Variants in SLC25A16 observed in about 807,000 individuals in gnomAD.
SLC25A16 encodes the protein solute carrier family 25 member 16.
In SLC25A16, 39 loss-of-function variants were observed where a neutral mutation model predicts 41.5. That is an observed-to-expected ratio of 0.94 (90% CI 0.73 to 1.23). The LOEUF (loss-of-function observed/expected upper bound fraction) is 1.23, where lower values mean the gene tolerates loss of function less well. Ranked by LOEUF, SLC25A16 falls within the 50% of genes most tolerant of loss-of-function variation. The pLI is 0.00. For missense variants in SLC25A16, 421 were observed against 426.9 expected (o/e 0.99, Z 0.12); for synonymous variants, 146 against 147.8 (o/e 0.99, Z 0.09).
At position 68,506,592 on chromosome 10, in the gene SLC25A16, T is replaced by C; in HGVS notation, c.350A>G (p.Tyr117Cys). ...AGATCAAAGTTTAACTACCGTTTTATAATGCTCAAATGCCATAAACTGGAT... is the reference window on the plus strand; with the variant it reads ...AGATCAAAGTTTAACTACCGTTTTACAATGCTCAAATGCCATAAACTGGAT... Reference protein sequence around the residue: ...GAIQFMAFEHYKTLITTKLGI... With the variant: ...GAIQFMAFEHCKTLITTKLGI... The change falls in exon 3 of 9, where the codon TAT (tyrosine) becomes TGT (cysteine). Residue 117 changes from tyrosine (Y) to cysteine (C), a missense_variant. Transcript: ENST00000609923. 1 of 1,581,730 alleles carries C rather than the reference T, an allele frequency of 6.3e-7. No homozygotes were observed. The highest frequency in any genetic ancestry group is 8.6e-7 in the Non-Finnish European group (1 of 1,166,838).
chr10:68,504,017 CTTTTTTTTTTTT>C (rs148285905), intron 3 of SLC25A16, among the ~76,000 whole-genome samples: 2 of 70,872 alleles, frequency 2.8e-5, no homozygotes, highest in East Asian at 4.7e-4. Context: ...TAAACTGCTA[CTTTTTTTTTTTT>C]TTTTTTTTTT....
At chr10:68,516,688 CCTT>C (rs1219891695) in intron 2 of SLC25A16, 60 bp downstream of exon 2, 4 of 1,197,652 alleles carry the variant, frequency 3.3e-6, no homozygotes, top group Non-Finnish European at 4.8e-6. Context: ...ACTTAAATTC[CCTT>C]TTTTGCCCAC....
Position 68,480,663 on chromosome 10 carries a change from A to AT in SLC25A16, c.*2768dup, listed in dbSNP as rs1405302285. On this transcript the variant is annotated 3_prime_UTR_variant, in exon 9 of 9. Coordinates refer to ENST00000609923, the MANE Select transcript of SLC25A16 (RefSeq NM_152707.4). ...AGGTGCGTGCCACCACGCCCAGCTA[A>AT]TTTTTTGTATTTTTAGTAGAGATAG... The AT allele has an allele frequency of 2.0e-5, 3 of 151,578 alleles. No homozygotes were observed. Among genetic ancestry groups the AT allele is most frequent in the South Asian group, 4.2e-4 (2 of 4,792 alleles). 9.4% of individuals were successfully genotyped at this position (151,578 alleles called of 1,614,324 possible). A position where few individuals can be genotyped will look rare whatever the true frequency, so the allele number is the denominator to read the frequency against.
chr10:68,513,795 CAGG>C (rs1193580360), intron 2 of SLC25A16, among the ~76,000 whole-genome samples: 1 of 151,948 alleles, frequency 6.6e-6, no homozygotes, highest in African/African-American at 2.4e-5. Flanking sequence ...GAGGCTGAGG[CAGG>C]AGAATAGTTT....
At chr10:68,484,214 T>C (rs1218304252) in intron 8 of SLC25A16, among the ~76,000 whole-genome samples, 1 of 152,162 alleles carries the variant, frequency 6.6e-6, no homozygotes, top group Non-Finnish European at 1.5e-5. Context: ...AAAGGATGTA[T>C]ATCCAGTTGC....
At chr10:68,512,313 ATAAAT>A (rs2053077387) in intron 2 of SLC25A16, among the ~76,000 whole-genome samples, 1 of 152,196 alleles carries the variant, frequency 6.6e-6, no homozygotes. Flanking sequence ...ACATAAATAC[ATAAAT>A]TAGTCTAATA....
rs201182490 is a variant in SLC25A16 at position 68,488,452 on chromosome 10, A to G, written c.773+15T>C. 1.4e-6 allele frequency: 2 copies of G among 1,464,960 alleles called. No individual in the cohort carries two copies. The highest frequency in any genetic ancestry group is 2.5e-5 in the East Asian group (1 of 40,176). 90.7% of individuals were successfully genotyped at this position (1,464,960 alleles called of 1,614,324 possible). ...AACTATAATTTGATTAAATTAAGTT[A>G]GTGAAGAAACTTACGATATTGTCTG... On this transcript the variant is annotated intron_variant, in intron 7 of 8. Transcript: ENST00000609923.
At chr10:68,518,558 G>T (rs543063228) in intron 1 of SLC25A16, among the ~76,000 whole-genome samples, 1 of 150,106 alleles carries the variant, frequency 6.7e-6, no homozygotes, top group African/African-American at 2.4e-5. Flanking sequence ...GGCAGATCAC[G>T]AGGTCAGGAA....
intron 7 of SLC25A16, 93 bp downstream of exon 7, chr10:68,488,374 T>G (rs1192787255): frequency 2.0e-5 from 18 of 910,748 alleles, no homozygotes; most frequent in Non-Finnish European, 2.7e-5. Context: ...TCTTTTTGAA[T>G]AATCTATTAG....
At chr10:68,522,814 CAAAA>C (rs58143466) in intron 1 of SLC25A16, among the ~76,000 whole-genome samples, 1 of 65,468 alleles carries the variant, frequency 1.5e-5, no homozygotes, top group Non-Finnish European at 2.8e-5. Context: ...GATTCCTTCT[CAAAA>C]AAAAAAAAAA....
chr10:68,500,242 AC>A (rs1274185278), intron 4 of SLC25A16, among the ~76,000 whole-genome samples: 1 of 152,240 alleles, frequency 6.6e-6, no homozygotes, highest in Admixed American at 6.5e-5. Flanking sequence ...GAGCAAAGAT[AC>A]CAGACATAAA....
In SLC25A16 at chr10:68,512,620, C is replaced by T. The variant is rs2053084535; in HGVS notation, c.223+4131G>A. Among the ~76,000 whole-genome samples the T allele has an allele frequency of 4.7e-5, 3 of 63,568 alleles. 1 individual carries two copies. The highest frequency in any genetic ancestry group is 1.4e-3 in the South Asian group (2 of 1,388). 41.7% of individuals were successfully genotyped at this position (63,568 alleles called of 152,430 possible). ...CGCCACTGCACTCCAGCCTGGGCAA[C>T]AGAGCGAGACTCCGTCTCAAAAAAA... On this transcript the variant is annotated intron_variant, in intron 2 of 8. Transcript: ENST00000609923.
At position 68,478,799 on chromosome 10, in the gene SLC25A16, C is replaced by T. The variant is rs1010005314; in HGVS notation, c.*4633G>A. The T allele has an allele frequency of 2.0e-5, 3 of 151,154 alleles. No homozygotes were observed. Among genetic ancestry groups the T allele is most frequent in the Admixed American group, 6.6e-5 (1 of 15,108 alleles). The allele number at this position is 151,154 out of a possible 1,614,324, so 9.4% of individuals were successfully genotyped here. Reference sequence around the variant, plus strand: ...TTGGGACAGAGTCTCACTCTGTCACCCAGGCTGGAGTGCAGTGGGGCAATC... The same window carrying T: ...TTGGGACAGAGTCTCACTCTGTCACTCAGGCTGGAGTGCAGTGGGGCAATC... On this transcript the variant is annotated 3_prime_UTR_variant, in exon 9 of 9. Coordinates refer to ENST00000609923, the MANE Select transcript of SLC25A16 (RefSeq NM_152707.4).
intron 4 of SLC25A16, among the ~76,000 whole-genome samples, chr10:68,501,213 T>C (rs1263212086): frequency 6.6e-6 from 1 of 151,788 alleles, no homozygotes; most frequent in Non-Finnish European, 1.5e-5. Context: ...ACTGTGCCAC[T>C]GCACTCCAAC....
intron 6 of SLC25A16, among the ~76,000 whole-genome samples, chr10:68,490,283 T>C (rs570070940): frequency 2.0e-5 from 3 of 151,992 alleles, no homozygotes; most frequent in South Asian, 4.2e-4. Context: ...CGAGACTCTA[T>C]GTCAAAGAAA....
rs1278182727 is a variant in SLC25A16, at chr10:68,482,343, A to G, written c.*1089T>C. 1 of 152,574 alleles carries G rather than the reference A, an allele frequency of 6.6e-6. No individual in the cohort carries two copies. Among genetic ancestry groups the G allele is most frequent in the Non-Finnish European group, 1.5e-5 (1 of 68,032 alleles). The allele number at this position is 152,574 out of a possible 1,614,324, so 9.5% of individuals were successfully genotyped here. ...ATAAAAAGTACTCTAAACAGAATAA[A>G]TGGAATTCTTACATTTTAAAACATT... On this transcript the variant is annotated 3_prime_UTR_variant, in exon 9 of 9. Transcript: ENST00000609923.
At position 68,487,169 on chromosome 10, in the gene SLC25A16, C is replaced by T; in HGVS notation, c.817G>A (p.Val273Ile). 2 of 1,613,454 alleles carry T rather than the reference C, an allele frequency of 1.2e-6. No individual in the cohort carries two copies. Among genetic ancestry groups the T allele is most frequent in the Non-Finnish European group, 1.7e-6 (2 of 1,179,688 alleles). ...VTRRRMQLGT[V>I]LPEFEKCLTM... The stretch of plus-strand genomic sequence containing the variant: ...AGGCACTTTTCAAATTCCGGCAGAA[C>T]AGTTCCTAATTGCATTCGCCGACGA... The change falls in exon 8 of 9, where the codon GTT becomes ATT. Residue 273 changes from valine to isoleucine, a missense_variant. By Grantham distance (29) the Val-to-Ile change is conservative. Coordinates refer to ENST00000609923, the MANE Select transcript of SLC25A16 (RefSeq NM_152707.4).
intron 1 of SLC25A16, among the ~76,000 whole-genome samples, chr10:68,521,314 G>T (rs2053245997): frequency 6.6e-6 from 1 of 152,080 alleles, no homozygotes; most frequent in African/African-American, 2.4e-5. Flanking sequence ...TGAGGCAGGA[G>T]GATCACTTGA....
intron 2 of SLC25A16, among the ~76,000 whole-genome samples, chr10:68,514,336 A>G (rs1264434456): frequency 6.6e-6 from 1 of 152,126 alleles, no homozygotes. Flanking sequence ...ATCTACTAAA[A>G]AATACAAAAA....
Sources: gnomAD v4.1 joint callset for allele counts (sites outside exome capture counted in the v4.1 genomes callset) on GRCh38, gnomAD v4.1.1 for gene constraint, MANE v1.5 for transcripts, NCBI Gene and HGNC (gene_info 2026-07-23, HGNC 2026-07-21) for gene names.